The following ARHGEF28 variants were observed in gnomAD, a reference collection of about 807,000 sequenced individuals.
ARHGEF28 encodes the protein 190 kDa guanine nucleotide exchange factor.
In ARHGEF28, 152 loss-of-function variants were observed where a neutral mutation model predicts 206.6. The ratio of observed to expected loss-of-function variants is 0.74; its 90% confidence interval spans 0.64 to 0.84. The LOEUF (loss-of-function observed/expected upper bound fraction) is 0.84. Among genes scored for constraint, ARHGEF28 ranks in the 40% least tolerant of loss-of-function variants. The pLI, the probability that ARHGEF28 is intolerant of heterozygous loss-of-function variation, is 0.00. For missense variants in ARHGEF28, 2,028 were observed against 2,073.2 expected, an observed-to-expected ratio of 0.98 and a Z score of 0.42; for synonymous variants, 763 against 776.4, an observed-to-expected ratio of 0.98 and a Z score of 0.29.
At chr5:73,880,153 C>T (rs1490841501) in intron 22 of ARHGEF28, among the ~76,000 whole-genome samples, 10 of 152,172 alleles carry the variant, frequency 6.6e-5, no homozygotes, top group African/African-American at 1.7e-4. Context: ...CCCCCAGCCT[C>T]GCTGCAGACT....
In ARHGEF28 at chr5:73,864,867, A is replaced by G. The variant is rs769777736; in HGVS notation, c.2098A>G (p.Thr700Ala). The G allele has an allele frequency of 1.2e-6, 2 of 1,613,348 alleles. No homozygotes were observed. The highest frequency in any genetic ancestry group is 1.7e-6 in the Non-Finnish European group (2 of 1,179,528). Residue 700 changes from threonine (T) to alanine (A), a missense_variant, in exon 17 of 36, where the codon ACC becomes GCC. By Grantham distance (58) the Thr-to-Ala change is moderately conservative. Coordinates refer to ENST00000513042, the MANE Select transcript of ARHGEF28 (RefSeq NM_001177693.2). ...TTGTAAAGATGCTGCGCCTGCATGC[A>G]CCAAGGTAATTGCTCAGTGATCTGT... is the stretch of plus-strand genomic sequence containing the variant. ...KGCKDAAPAC[T>A]KKFQEKYNKN...
At chr5:73,829,999 G>A (rs1323520758) in intron 9 of ARHGEF28, among the ~76,000 whole-genome samples, 3 of 152,144 alleles carry the variant, frequency 2.0e-5, no homozygotes, top group Admixed American at 1.3e-4. Context: ...TTGGAATTCC[G>A]AATTTTCAGA....
chr5:73,781,700 G>T (rs529584400), intron 7 of ARHGEF28, among the ~76,000 whole-genome samples: 1 of 152,032 alleles, frequency 6.6e-6, no homozygotes, highest in African/African-American at 2.4e-5. Flanking sequence ...ACATTATTGC[G>T]TCTCCTAGGG....
At chr5:73,633,997 G>A (rs187034291) in intron 1 of ARHGEF28, among the ~76,000 whole-genome samples, 256 of 152,116 alleles carry the variant, frequency 1.7e-3, no homozygotes, top group African/African-American at 6.0e-3. Flanking sequence ...GTGCAATTGG[G>A]TTTTTAGTCT....
intron 35 of ARHGEF28, among the ~76,000 whole-genome samples, chr5:73,930,739 T>A (rs1764067982): frequency 6.6e-6 from 1 of 152,226 alleles, no homozygotes; most frequent in Admixed American, 6.5e-5. Flanking sequence ...TGCTATGTTT[T>A]CCTCCAAAGC....
At chr5:73,706,045 C>T (rs928961848) in intron 2 of ARHGEF28, among the ~76,000 whole-genome samples, 2 of 152,166 alleles carry the variant, frequency 1.3e-5, no homozygotes, top group Non-Finnish European at 2.9e-5. Context: ...GTGGAACTTC[C>T]AGCAGCCATC....
intron 11 of ARHGEF28, among the ~76,000 whole-genome samples, chr5:73,843,142 C>T (rs1490949878): frequency 2.0e-5 from 3 of 152,054 alleles, no homozygotes; most frequent in East Asian, 1.9e-4. Context: ...TGCAGAGTAT[C>T]GAAATTATAC....
chr5:73,898,637 A>G (rs1762096099), intron 30 of ARHGEF28: 1 of 152,310 alleles, frequency 6.6e-6, no homozygotes. Context: ...GTGCCAGAAA[A>G]TTCTTGATCT....
At position 73,886,012 on chromosome 5, in the gene ARHGEF28, A is replaced by G. The variant is rs1232826032; in HGVS notation, c.3218A>G (p.His1073Arg). 6.2e-7 allele frequency: 1 copy of G among 1,613,966 alleles called. No homozygotes were observed. The highest frequency in any genetic ancestry group is 2.2e-5 in the East Asian group (1 of 44,868). Residue 1073 changes from histidine to arginine, a missense_variant, in exon 25 of 36, where the codon CAT (histidine) becomes CGT (arginine). This residue lies in a region of ARHGEF28 where 223 missense variants were observed against 289.9 expected (regional missense o/e 0.77). Transcript: ENST00000513042. The stretch of plus-strand genomic sequence containing the variant: ...ACATACACGAAGCTCAAAAATGGAC[A>G]TGTGTTTAGGAAGCAGGCACTGATG... ...NKTYTKLKNG[H>R]VFRKQALMSE...
Position 73,909,836 on chromosome 5 carries a change from G to A in ARHGEF28, c.4586G>A (p.Gly1529Asp), listed in dbSNP as rs1171684091. 8 of 1,539,172 alleles carry A rather than the reference G, an allele frequency of 5.2e-6. No individual in the cohort carries two copies. The highest frequency in any genetic ancestry group is 6.9e-6 in the Non-Finnish European group (8 of 1,154,852). The change falls in exon 34 of 36, where the codon GGC (glycine) becomes GAC (aspartate). Residue 1529 changes from glycine to aspartate, a missense_variant. Gly to Asp is a moderately conservative substitution (Grantham distance 94). Transcript: ENST00000513042. ...ATGCGGGCCCAGCAGAGCCTGCTGGGCCACTGGAAGCACGGCCGGCAGAGG... is the reference window on the plus strand; with the variant it reads ...ATGCGGGCCCAGCAGAGCCTGCTGGACCACTGGAAGCACGGCCGGCAGAGG... ...ARMRAQQSLL[G>D]HWKHGRQRSL...
chr5:73,751,442 T>C (rs1252755696), intron 3 of ARHGEF28, among the ~76,000 whole-genome samples: 1 of 152,078 alleles, frequency 6.6e-6, no homozygotes, highest in African/African-American at 2.4e-5. Flanking sequence ...CAAATCTAAT[T>C]AACGGCACAT....
At chr5:73,814,982 A>G (rs981138595) in intron 9 of ARHGEF28, among the ~76,000 whole-genome samples, 2 of 152,174 alleles carry the variant, frequency 1.3e-5, no homozygotes, top group Non-Finnish European at 2.9e-5. Flanking sequence ...TATTCAATAT[A>G]CAATTTTAAG....
intron 9 of ARHGEF28, among the ~76,000 whole-genome samples, chr5:73,820,419 T>A (rs563216197): frequency 6.9e-6 from 1 of 144,772 alleles, no homozygotes; most frequent in South Asian, 2.2e-4. Context: ...AAAGTCCCAA[T>A]CCTTCAATCT....
chr5:73,711,038 A>G (rs1428678409), intron 2 of ARHGEF28, among the ~76,000 whole-genome samples: 3 of 152,200 alleles, frequency 2.0e-5, no homozygotes, highest in African/African-American at 7.2e-5. Context: ...CAATTGTTCC[A>G]GCACAATTTG....
At chr5:73,811,552 T>C (rs1755836736) in intron 9 of ARHGEF28, among the ~76,000 whole-genome samples, 1 of 152,204 alleles carries the variant, frequency 6.6e-6, no homozygotes, top group Admixed American at 6.5e-5. Context: ...ATGTAAATGC[T>C]CTTCCACAAG....
intron 2 of ARHGEF28, among the ~76,000 whole-genome samples, chr5:73,699,839 A>G (rs1232070023): frequency 1.3e-5 from 2 of 152,246 alleles, no homozygotes; most frequent in African/African-American, 4.8e-5. Flanking sequence ...AGATTATCTA[A>G]TAAAGTTCCA....
intron 35 of ARHGEF28, among the ~76,000 whole-genome samples, chr5:73,927,242 C>T (rs918085113): frequency 2.6e-5 from 4 of 152,106 alleles, no homozygotes; most frequent in African/African-American, 7.2e-5. Flanking sequence ...CCAGGCATGG[C>T]GGAGTGCACC....
intron 22 of ARHGEF28, among the ~76,000 whole-genome samples, chr5:73,879,839 G>A (rs1309937863): frequency 1.3e-5 from 2 of 152,170 alleles, no homozygotes; most frequent in African/African-American, 2.4e-5. Flanking sequence ...GCCCCTACTG[G>A]GGGGTGCCTC....
At chr5:73,882,006 T>A (rs1291442339) in intron 22 of ARHGEF28, among the ~76,000 whole-genome samples, 2 of 152,156 alleles carry the variant, frequency 1.3e-5, no homozygotes, top group Non-Finnish European at 2.9e-5. Flanking sequence ...GACATGGTCA[T>A]TAGCCAGTGT....
Sources: allele counts gnomAD v4.1 joint callset (sites outside exome capture counted in the v4.1 genomes callset), GRCh38; gene constraint gnomAD v4.1.1; regional missense constraint gnomAD v4.1.1; transcripts MANE v1.5; gene names NCBI Gene and HGNC (gene_info 2026-07-23, HGNC 2026-07-21).